ACRV1: variants seen among roughly 807,000 people sequenced by gnomAD.
The protein encoded by ACRV1 is acrosomal vesicle protein 1.
In ACRV1, 17 loss-of-function variants were observed where a neutral mutation model predicts 29.2. That is an observed-to-expected ratio of 0.58 (90% confidence interval 0.40 to 0.87). The LOEUF is 0.87. ACRV1 is among the 40% of genes least tolerant of loss of function. The probability of loss-of-function intolerance (pLI) is 0.00; values close to 1 mark genes in which losing one functional copy is unlikely to be tolerated. For missense variants in ACRV1, 294 were observed against 316.0 expected, an observed-to-expected ratio of 0.93 and a Z score of 0.53; for synonymous variants, 98 against 111.6, an observed-to-expected ratio of 0.88 and a Z score of 0.77.
At chr11:125,679,950 A>G (rs1387807863) in intron 1 of ACRV1, among the ~76,000 whole-genome samples, 1 of 152,202 alleles carries the variant, frequency 6.6e-6, no homozygotes, top group African/African-American at 2.4e-5. Context: ...TGATAAAGAG[A>G]TGTTTCTGAT....
At chr11:125,674,344 AT>A (rs1429934517) in intron 3 of ACRV1, among the ~76,000 whole-genome samples, 3 of 152,220 alleles carry the variant, frequency 2.0e-5, no homozygotes, top group African/African-American at 7.2e-5. Context: ...TATCAAGGAA[AT>A]TCTTAGGAAG....
rs1942215729 is a variant in ACRV1, at chr11:125,672,008, TATC to T, written c.*582_*584del. 1.3e-5 allele frequency: 2 copies of T among 152,258 alleles called. No homozygotes were observed. The highest frequency in any genetic ancestry group is 2.4e-5 in the African/African-American group (1 of 41,436). The allele number at this position is 152,258 out of a possible 1,614,324, so 9.4% of individuals were successfully genotyped here. The stretch of plus-strand genomic sequence containing the variant: ...AGCAAATAAGGAATCATTATACTAT[TATC>T]ATTATGTTAGTAGTGGACTACTGAA... On this transcript the variant is annotated 3_prime_UTR_variant, in exon 4 of 4. Transcript: ENST00000533904.
Position 125,680,739 on chromosome 11 carries a change from TC to T in ACRV1, c.41del (p.Gly14AspfsTer17), listed in dbSNP as rs1256282024. 2.5e-6 allele frequency: 4 copies of T among 1,613,666 alleles called. No individual in the cohort carries two copies. Among genetic ancestry groups the T allele is most frequent in the Middle Eastern group, 1.7e-4 (1 of 6,058 alleles). ...FLLLMSLYLL[G>X]SARGTSSQPN... ...AGATCAAACACTCACCTCTGGCAGA[TC>T]CAAGCAGATAAAGACTCATTAGCAA... On this transcript the variant is annotated frameshift_variant, in exon 1 of 4. Coordinates refer to ENST00000533904, the MANE Select transcript of ACRV1 (RefSeq NM_001612.6). LOFTEE classifies it high-confidence loss of function.
intron 2 of ACRV1, 49 bp downstream of exon 2, chr11:125,677,748 C>T (rs200664472): frequency 4.6e-5 from 74 of 1,603,168 alleles, no homozygotes; most frequent in Non-Finnish European, 1.1e-5. Flanking sequence ...ATGTGTTCCC[C>T]ATTTCCCACC....
chr11:125,679,438 G>C (rs1047929036), intron 1 of ACRV1, among the ~76,000 whole-genome samples: 1 of 151,948 alleles, frequency 6.6e-6, no homozygotes, highest in South Asian at 2.1e-4. Flanking sequence ...GGCTGGTCTT[G>C]AACTCCTGAC....
At position 125,672,471 on chromosome 11, in the gene ACRV1, T is replaced by G. The variant is rs1347028805; in HGVS notation, c.*122A>C. ...AAGATAGGATGTTTGAGCATCCTAA[T>G]GCTCAGGCAGAGGCAGATGTGGTCA... On this transcript the variant is annotated 3_prime_UTR_variant, in exon 4 of 4. Transcript: ENST00000533904. 2.6e-6 allele frequency: 3 copies of G among 1,168,186 alleles called. No homozygotes were observed. Among genetic ancestry groups the G allele is most frequent in the Non-Finnish European group, 2.4e-6 (2 of 824,020 alleles). 72.4% of individuals were successfully genotyped at this position (1,168,186 alleles called of 1,614,324 possible). A position where few individuals can be genotyped will look rare whatever the true frequency, so the allele number is the denominator to read the frequency against.
chr11:125,679,420 G>C (rs929097285), intron 1 of ACRV1, among the ~76,000 whole-genome samples: 3 of 151,976 alleles, frequency 2.0e-5, no homozygotes, highest in Non-Finnish European at 4.4e-5. Context: ...GTCTCGCCAT[G>C]TTGGCCAGGC....
In ACRV1 at chr11:125,676,352, C is replaced by T. The variant is rs752286701; in HGVS notation, c.673+7G>A. On this transcript the variant is annotated splice_region_variant and intron_variant, in intron 3 of 3. Coordinates refer to ENST00000533904, the MANE Select transcript of ACRV1 (RefSeq NM_001612.6). ...GGCAGAAATTGCCTCATGAAGTCCC[C>T]ATATACCTTCAAAGATCTTCTTTAA... 7 of 1,614,034 alleles carry T rather than the reference C, an allele frequency of 4.3e-6. No individual in the cohort carries two copies. The Admixed American group carries it at 1.2e-4, about 27-fold the overall frequency.
chr11:125,678,079 T>C lies in ACRV1; in HGVS notation c.271A>G (p.Ser91Gly). 1 of 1,614,204 alleles carries C rather than the reference T, an allele frequency of 6.2e-7. No individual in the cohort carries two copies. The highest frequency in any genetic ancestry group is 1.7e-4 in the Middle Eastern group (1 of 6,060). The change falls in exon 2 of 4, where the codon AGT (serine) becomes GGT (glycine). Residue 91 changes from serine to glycine, a missense_variant. By Grantham distance (56) the Ser-to-Gly change is moderately conservative. Coordinates refer to ENST00000533904, the MANE Select transcript of ACRV1 (RefSeq NM_001612.6). ...AEHTSGEHAESEHASGEPAAT... is the reference protein window; with the variant it reads ...AEHTSGEHAEGEHASGEPAAT... ...GCGGGCTCACCTGAAGCATGCTCACTCTCAGCATGTTCTCCAGAAGTGTGC... is the reference window on the plus strand; with the variant it reads ...GCGGGCTCACCTGAAGCATGCTCACCCTCAGCATGTTCTCCAGAAGTGTGC...
chr11:125,680,809 T>C lies in ACRV1; in HGVS notation c.-29A>G. 1 of 1,594,882 alleles carries C rather than the reference T, an allele frequency of 6.3e-7. No individual in the cohort carries two copies. Among genetic ancestry groups the C allele is most frequent in the Non-Finnish European group, 8.6e-7 (1 of 1,163,180 alleles). On this transcript the variant is annotated 5_prime_UTR_variant, in exon 1 of 4. Transcript: ENST00000533904. ...GATTTAGGAAAAGAGGGGACCCCAG[T>C]GTGGGCCACAGCTTCTTCACAGAGC...
intron 2 of ACRV1, 28 bp from the exon 3 acceptor site, chr11:125,676,506 A>G (rs754881350): frequency 4.0e-5 from 64 of 1,613,524 alleles, no homozygotes; most frequent in Admixed American, 1.0e-4. Flanking sequence ...GCCTGATGAC[A>G]TTTCCTTGTG....
intron 1 of ACRV1, among the ~76,000 whole-genome samples, chr11:125,680,052 G>T (rs1467870010): frequency 6.6e-6 from 1 of 152,196 alleles, no homozygotes. Flanking sequence ...ATCACCTGGT[G>T]GCTGTGTATC....
Position 125,672,506 on chromosome 11 carries a change from T to G in ACRV1, c.*87A>C, listed in dbSNP as rs778917171. The G allele has an allele frequency of 8.6e-6, 13 of 1,515,258 alleles. No homozygotes were observed. The highest frequency in any genetic ancestry group is 1.2e-5 in the Non-Finnish European group (13 of 1,115,526). The allele number at this position is 1,515,258 out of a possible 1,614,324, so 93.9% of individuals were successfully genotyped here. ...GAGGCAGATGTGGTCAGTTGTTGACTGGGGAAGGAACTAAATATAAAATGA... is the reference window on the plus strand; with the variant it reads ...GAGGCAGATGTGGTCAGTTGTTGACGGGGGAAGGAACTAAATATAAAATGA... On this transcript the variant is annotated 3_prime_UTR_variant, in exon 4 of 4. Coordinates refer to ENST00000533904, the MANE Select transcript of ACRV1 (RefSeq NM_001612.6).
chr11:125,671,694 C>T lies in ACRV1; in HGVS notation c.*899G>A, dbSNP rs1942208883. ...GGAATCTGCCTATAGCTCTCTGTAG[C>T]TCTGTAACCTTGGTAAATTTGGAAC... On this transcript the variant is annotated 3_prime_UTR_variant, in exon 4 of 4. Coordinates refer to ENST00000533904, the MANE Select transcript of ACRV1 (RefSeq NM_001612.6). The T allele has an allele frequency of 6.6e-6, 1 of 152,114 alleles. No homozygotes were observed. 9.4% of individuals were successfully genotyped at this position (152,114 alleles called of 1,614,324 possible).
At chr11:125,675,606 G>C (rs1284661076) in intron 3 of ACRV1, among the ~76,000 whole-genome samples, 1 of 152,236 alleles carries the variant, frequency 6.6e-6, no homozygotes, top group Admixed American at 6.5e-5. Flanking sequence ...GTAAAGAGGT[G>C]TGGGAATATA....
In ACRV1 at chr11:125,672,578, C is replaced by T. The variant is rs181562851; in HGVS notation, c.*15G>A. 3.3e-3 allele frequency: 5,287 copies of T among 1,612,892 alleles called. 13 individuals are homozygous for T. Among genetic ancestry groups the T allele is most frequent in the Non-Finnish European group, 4.2e-3 (4,911 of 1,179,718 alleles). Reference sequence around the variant, plus strand: ...TTTTTACTGCCTGAGTCAAAACAAGCAAGGGCCCAGGCTTCTAGATCTTAT... The same window carrying T: ...TTTTTACTGCCTGAGTCAAAACAAGTAAGGGCCCAGGCTTCTAGATCTTAT... On this transcript the variant is annotated 3_prime_UTR_variant, in exon 4 of 4. Transcript: ENST00000533904.
chr11:125,673,750 C>G (rs886532131), intron 3 of ACRV1, among the ~76,000 whole-genome samples: 10 of 152,198 alleles, frequency 6.6e-5, no homozygotes, highest in South Asian at 4.1e-4. Context: ...CTGTACCACA[C>G]CTTCAAAACC....
intron 3 of ACRV1, 107 bp from the exon 4 acceptor site, chr11:125,672,824 T>A (rs1942267125): frequency 5.9e-6 from 8 of 1,359,904 alleles, no homozygotes; most frequent in South Asian, 1.5e-5. Context: ...GACCTCCACT[T>A]GTCCATTATC....
chr11:125,674,888 T>C (rs1394574144), intron 3 of ACRV1, among the ~76,000 whole-genome samples: 3 of 152,258 alleles, frequency 2.0e-5, no homozygotes. Context: ...TTTCCAAGTT[T>C]ATCTTCTATG....
Sources: allele counts gnomAD v4.1 joint callset (sites outside exome capture counted in the v4.1 genomes callset), GRCh38; gene constraint gnomAD v4.1.1; transcripts MANE v1.5; gene names NCBI Gene and HGNC (gene_info 2026-07-23, HGNC 2026-07-21).